SBF2: variants seen among roughly 807,000 people sequenced by gnomAD.
The protein encoded by SBF2 is myotubularin-related protein 13.
In SBF2, 112 loss-of-function variants were observed where a neutral mutation model predicts 225.2. The observed-to-expected ratio is 0.50, with a 90% CI of 0.43 to 0.58. SBF2 has a LOEUF of 0.58. SBF2 is among the 20% of genes least tolerant of loss of function. SBF2 has a pLI of 0.00. For missense variants in SBF2, 1,996 were observed against 2,206.2 expected (o/e 0.90, Z 1.91); for synonymous variants, 763 against 773.3 (o/e 0.99, Z 0.22).
intron 1 of SBF2, among the ~76,000 whole-genome samples, chr11:10,252,874 A>G (rs971663225): frequency 5.3e-5 from 8 of 151,898 alleles, no homozygotes; most frequent in Admixed American, 4.6e-4. Flanking sequence ...GCTGTAACCA[A>G]TCCAGCAGTT....
intron 6 of SBF2, among the ~76,000 whole-genome samples, chr11:10,008,430 T>C (rs1948294682): frequency 6.6e-6 from 1 of 152,176 alleles, no homozygotes; most frequent in Admixed American, 6.5e-5. Context: ...ATGCCTGATG[T>C]TCTCAAAACA....
chr11:9,813,316 C>T (rs993848267), intron 29 of SBF2, among the ~76,000 whole-genome samples: 2 of 152,084 alleles, frequency 1.3e-5, no homozygotes, highest in Non-Finnish European at 2.9e-5. Context: ...CCCAAGACTA[C>T]CAACATTGTG....
Position 9,909,678 on chromosome 11 carries a change from A to C in SBF2, c.1861-13667T>G, listed in dbSNP as rs895295018. On this transcript the variant is annotated intron_variant, in intron 16 of 39. Transcript: ENST00000256190. Reference sequence around the variant, plus strand: ...GAGCGAGACTCTGTCTCAAAAAAAAAAAAAAAAAAGATACCCTGACGACTT... The same window carrying C: ...GAGCGAGACTCTGTCTCAAAAAAAACAAAAAAAAAGATACCCTGACGACTT... Among the ~76,000 whole-genome samples the C allele has an allele frequency of 7.9e-5, 12 of 152,118 alleles. 1 individual carries two copies. Among genetic ancestry groups the C allele is most frequent in the African/African-American group, 2.9e-4 (12 of 41,520 alleles).
chr11:10,049,401 G>T (rs1265426456), intron 2 of SBF2, among the ~76,000 whole-genome samples: 2 of 152,158 alleles, frequency 1.3e-5, no homozygotes, highest in Non-Finnish European at 2.9e-5. Context: ...GAGGTCAGAA[G>T]TTTGAGACCA....
intron 2 of SBF2, among the ~76,000 whole-genome samples, chr11:10,118,648 C>T (rs1250072451): frequency 1.3e-5 from 2 of 151,886 alleles, no homozygotes; most frequent in Non-Finnish European, 2.9e-5. Context: ...AAATTGCTAC[C>T]ATCCATTTTC....
chr11:10,059,245 T>A (rs1293349942), intron 2 of SBF2, among the ~76,000 whole-genome samples: 1 of 151,958 alleles, frequency 6.6e-6, no homozygotes, highest in Non-Finnish European at 1.5e-5. Flanking sequence ...AAAACAAGAC[T>A]CAATGATATG....
intron 2 of SBF2, among the ~76,000 whole-genome samples, chr11:10,103,039 G>C (rs1050001781): frequency 1.3e-5 from 2 of 152,164 alleles, no homozygotes; most frequent in African/African-American, 4.8e-5. Flanking sequence ...AATGGGGAGA[G>C]AGAAGAAACA....
At chr11:10,071,416 G>T (rs543513070) in intron 2 of SBF2, among the ~76,000 whole-genome samples, 1 of 151,818 alleles carries the variant, frequency 6.6e-6, no homozygotes, top group Non-Finnish European at 1.5e-5. Context: ...ACAAGCGCCC[G>T]CAACCACGCC....
At chr11:9,830,306 AAT>A (rs1412448730) in intron 27 of SBF2, among the ~76,000 whole-genome samples, 1 of 152,238 alleles carries the variant, frequency 6.6e-6, no homozygotes, top group African/African-American at 2.4e-5. Flanking sequence ...TATCAACTTT[AAT>A]ATGTCATCAA....
chr11:10,251,732 CA>C lies in SBF2; in HGVS notation c.55+42282del, dbSNP rs542894032. Among the ~76,000 whole-genome samples the C allele has an allele frequency of 7.2e-5, 11 of 152,286 alleles. 1 individual carries two copies. In the South Asian group the frequency reaches 2.3e-3, roughly 32 times the overall value. Reference sequence around the variant, plus strand: ...CTCAAAGGTTTTAAATGTTTGCATGCAGCCATACCTAGAATGTCAAATGGTC... The same window carrying C: ...CTCAAAGGTTTTAAATGTTTGCATGCGCCATACCTAGAATGTCAAATGGTC... On this transcript the variant is annotated intron_variant, in intron 1 of 39. Coordinates refer to ENST00000256190, the MANE Select transcript of SBF2 (RefSeq NM_030962.4).
At chr11:9,905,761 C>A (rs1419423666) in intron 16 of SBF2, among the ~76,000 whole-genome samples, 1 of 152,048 alleles carries the variant, frequency 6.6e-6, no homozygotes, top group African/African-American at 2.4e-5. Context: ...AAAAGAGTGA[C>A]TGTTAAAACT....
At chr11:9,788,022 G>C in intron 35 of SBF2, 1 of 431,714 alleles carries the variant, frequency 2.3e-6, no homozygotes. Flanking sequence ...TCAGACATCT[G>C]CACCCTTGGG....
At chr11:9,839,800 G>A (rs1855986672) in intron 25 of SBF2, 104 bp from the exon 26 acceptor site, 3 of 1,241,160 alleles carry the variant, frequency 2.4e-6, no homozygotes, top group African/African-American at 1.5e-5. Flanking sequence ...AACTGTGATG[G>A]TAGAGACAGA....
intron 2 of SBF2, among the ~76,000 whole-genome samples, chr11:10,105,235 G>A (rs1952498101): frequency 1.3e-5 from 2 of 152,142 alleles, no homozygotes; most frequent in South Asian, 4.1e-4. Context: ...GGTGAAATCT[G>A]ACCTGCAAAA....
At chr11:10,231,263 C>A (rs1322784545) in intron 1 of SBF2, among the ~76,000 whole-genome samples, 1 of 152,150 alleles carries the variant, frequency 6.6e-6, no homozygotes, top group Non-Finnish European at 1.5e-5. Flanking sequence ...CGAACTTTCT[C>A]CTCTACCTCG....
In SBF2 at chr11:9,858,406, C is replaced by A. The variant is rs765561519; in HGVS notation, c.1930-10G>T. Reference sequence around the variant, plus strand: ...CTCCAGGGGCAAGTTTCTGTGAGAACACACAAAATACATCATCATGGGGCT... The same window carrying A: ...CTCCAGGGGCAAGTTTCTGTGAGAAAACACAAAATACATCATCATGGGGCT... On this transcript the variant is annotated splice_polypyrimidine_tract_variant and intron_variant, in intron 17 of 39. Transcript: ENST00000256190. 118 of 1,613,900 alleles carry A rather than the reference C, an allele frequency of 7.3e-5. No homozygotes were observed. The highest frequency in any genetic ancestry group is 9.6e-5 in the Non-Finnish European group (113 of 1,179,900).
At chr11:10,085,347 T>A (rs1049885246) in intron 2 of SBF2, among the ~76,000 whole-genome samples, 1 of 152,192 alleles carries the variant, frequency 6.6e-6, no homozygotes, top group Non-Finnish European at 1.5e-5. Context: ...TAAATTAAAT[T>A]GTTTTTTTCT....
intron 2 of SBF2, among the ~76,000 whole-genome samples, chr11:10,152,347 T>C (rs1812853): frequency 0.25 from 38,086 of 151,620 alleles, 4,932 homozygotes; most frequent in Middle Eastern, 0.32. Context: ...GGTCGGGAGT[T>C]CGAGACCAGC....
intron 13 of SBF2, among the ~76,000 whole-genome samples, chr11:9,976,787 G>C (rs7949322): frequency 0.21 from 29,149 of 141,276 alleles, 2,890 homozygotes; most frequent in East Asian, 0.32. Context: ...GTTTTTTTTT[G>C]AGATGGAGTC....
Sources: allele counts gnomAD v4.1 joint callset (sites outside exome capture counted in the v4.1 genomes callset), GRCh38; gene constraint gnomAD v4.1.1; transcripts MANE v1.5; gene names NCBI Gene and HGNC (gene_info 2026-07-23, HGNC 2026-07-21).